The following PIBF1 variants were observed in gnomAD, a reference collection of about 807,000 sequenced individuals.
PIBF1 encodes progesterone-induced-blocking factor 1.
PIBF1 carries 90 observed loss-of-function variants against 112.5 expected under a neutral mutation model. That is an observed-to-expected ratio of 0.80 (90% CI 0.67 to 0.95). PIBF1 has a LOEUF of 0.95. Ranked by LOEUF, PIBF1 falls within the 40% of genes least tolerant of loss-of-function variation. PIBF1 has a pLI of 0.00. For synonymous variants in PIBF1, 301 were observed against 288.6 expected (o/e 1.04, Z -0.44); for missense variants, 915 against 852.3 (o/e 1.07, Z -0.92).
rs937599028 is a variant in PIBF1 at position 72,842,939 on chromosome 13, A to G, written c.1223+7571A>G. Among the ~76,000 whole-genome samples, 5 of 152,292 alleles carry G rather than the reference A, an allele frequency of 3.3e-5. No homozygotes were observed. The South Asian group carries it at 1.0e-3, about 32-fold the overall frequency. On this transcript the variant is annotated intron_variant, in intron 9 of 17. Transcript: ENST00000326291. ...GTTTACAACGTGTGTTCACTGCTTC[A>G]TTAATAATACTTAAAAATTTCAAGC...
chr13:72,826,092 A>G (rs2036800351), intron 6 of PIBF1, among the ~76,000 whole-genome samples: 1 of 151,756 alleles, frequency 6.6e-6, no homozygotes. Flanking sequence ...TGCATGTGAA[A>G]GCACAAAATA....
intron 9 of PIBF1, among the ~76,000 whole-genome samples, chr13:72,844,778 C>CTT (rs1475107280): frequency 5.2e-5 from 7 of 134,674 alleles, no homozygotes; most frequent in African/African-American, 2.1e-4. Context: ...CACACACACA[C>CTT]ACACACACAC....
intron 10 of PIBF1, among the ~76,000 whole-genome samples, chr13:72,858,541 A>G (rs1224003061): frequency 6.6e-6 from 1 of 152,244 alleles, no homozygotes; most frequent in Non-Finnish European, 1.5e-5. Context: ...AAAGGAAGTA[A>G]GTGGCTCTTT....
In PIBF1 at chr13:72,927,966, T is replaced by C. The variant is rs76137404; in HGVS notation, c.1731-3199T>C. Among the ~76,000 whole-genome samples the C allele has an allele frequency of 4.5e-3, 448 of 99,180 alleles. 8 individuals carry two copies. The highest frequency in any genetic ancestry group is 5.6e-3 in the Admixed American group (57 of 10,128). 65.1% of individuals were successfully genotyped at this position (99,180 alleles called of 152,430 possible). On this transcript the variant is annotated intron_variant, in intron 13 of 17. Coordinates refer to ENST00000326291, the MANE Select transcript of PIBF1 (RefSeq NM_006346.4). ...GTGTGTATATATATATATACACATA[T>C]ATATATATATACATATATATATACA...
chr13:72,973,821 C>A, intron 16 of PIBF1, 146 bp downstream of exon 16: 2 of 553,694 alleles, frequency 3.6e-6, no homozygotes, highest in Non-Finnish European at 3.2e-6. Flanking sequence ...CTTTTTTATT[C>A]AACTTTTGAT....
chr13:72,965,759 C>T (rs866590429), intron 15 of PIBF1, among the ~76,000 whole-genome samples: 1 of 152,018 alleles, frequency 6.6e-6, no homozygotes, highest in Non-Finnish European at 1.5e-5. Flanking sequence ...CCATTTGTGT[C>T]GTTAAAATGG....
At chr13:72,877,375 T>G (rs2039453898) in intron 10 of PIBF1, among the ~76,000 whole-genome samples, 1 of 152,200 alleles carries the variant, frequency 6.6e-6, no homozygotes, top group Non-Finnish European at 1.5e-5. Flanking sequence ...GGTTTTGGTA[T>G]TTGAGTGATG....
chr13:72,866,127 A>T (rs768227265), intron 10 of PIBF1, among the ~76,000 whole-genome samples: 1 of 152,056 alleles, frequency 6.6e-6, no homozygotes, highest in African/African-American at 2.4e-5. Context: ...CTCTGTCTTC[A>T]TGTGGCTTTC....
intron 16 of PIBF1, chr13:72,973,907 A>G: frequency 2.1e-6 from 1 of 467,112 alleles, no homozygotes; most frequent in Non-Finnish European, 3.7e-6. Context: ...GAATTTCCCC[A>G]TATTATTTAA....
chr13:72,996,998 C>T (rs2043695845), intron 16 of PIBF1, among the ~76,000 whole-genome samples: 2 of 152,126 alleles, frequency 1.3e-5, no homozygotes, highest in South Asian at 4.1e-4. Flanking sequence ...GTCACATTAA[C>T]GAAAGTGGTA....
At chr13:72,856,733 G>A (rs1207112484) in intron 10 of PIBF1, among the ~76,000 whole-genome samples, 2 of 152,100 alleles carry the variant, frequency 1.3e-5, no homozygotes, top group Admixed American at 1.3e-4. Context: ...CCCTGGTTAG[G>A]ACTGTAATGT....
At chr13:72,801,421 ATATTT>A (rs2138001121) in intron 5 of PIBF1, among the ~76,000 whole-genome samples, 2 of 152,338 alleles carry the variant, frequency 1.3e-5, no homozygotes, top group South Asian at 4.1e-4. Flanking sequence ...TGTAGGTACT[ATATTT>A]TATCATTTAC....
rs1359449177 is a variant in PIBF1 at position 72,821,662 on chromosome 13, C to G, written c.673-187C>G. On this transcript the variant is annotated intron_variant, in intron 5 of 17. Transcript: ENST00000326291. The stretch of plus-strand genomic sequence containing the variant: ...AGTTTTAAACAACTGAGTTTACAGA[C>G]CACTCTGTGAACTTAAGATTACTTG... 2.6e-5 allele frequency among the ~76,000 whole-genome samples: 4 copies of G among 152,102 alleles called. No individual in the cohort carries two copies. The East Asian group carries it at 7.7e-4, about 29-fold the overall frequency.
intron 10 of PIBF1, among the ~76,000 whole-genome samples, chr13:72,856,411 G>T (rs1041369826): frequency 2.0e-5 from 3 of 152,084 alleles, no homozygotes; most frequent in African/African-American, 7.2e-5. Flanking sequence ...TCATAGTAAA[G>T]CCTTGCTTAT....
chr13:72,807,619 A>T (rs2138039959), intron 5 of PIBF1, among the ~76,000 whole-genome samples: 1 of 152,344 alleles, frequency 6.6e-6, no homozygotes, highest in South Asian at 2.1e-4. Flanking sequence ...AGCACAAAGT[A>T]TAATCTCAAG....
intron 5 of PIBF1, among the ~76,000 whole-genome samples, chr13:72,803,581 TTTC>T (rs2035588551): frequency 6.6e-6 from 1 of 152,216 alleles, no homozygotes; most frequent in African/African-American, 2.4e-5. Context: ...TCTGTGGGAC[TTTC>T]TTAATATCTA....
chr13:72,959,658 T>C (rs2042552391), intron 14 of PIBF1, among the ~76,000 whole-genome samples: 1 of 152,220 alleles, frequency 6.6e-6, no homozygotes, highest in Non-Finnish European at 1.5e-5. Context: ...TATTAGTTTA[T>C]TTGAATTTTA....
intron 8 of PIBF1, 50 bp from the exon 9 acceptor site, chr13:72,835,193 C>T (rs2138204228): frequency 7.0e-7 from 1 of 1,425,392 alleles, no homozygotes; most frequent in Non-Finnish European, 9.3e-7. Context: ...GTGCAAAAGC[C>T]TATTTGTTTC....
At chr13:72,988,287 A>T (rs564909426) in intron 16 of PIBF1, among the ~76,000 whole-genome samples, 122 of 152,220 alleles carry the variant, frequency 8.0e-4, no homozygotes, top group African/African-American at 2.8e-3. Context: ...CATTGTAGAT[A>T]CTCAGTGAAC....
Sources: gnomAD v4.1 joint callset for allele counts (sites outside exome capture counted in the v4.1 genomes callset) on GRCh38, gnomAD v4.1.1 for gene constraint, MANE v1.5 for transcripts, NCBI Gene and HGNC (gene_info 2026-07-23, HGNC 2026-07-21) for gene names.